The following ATXN3 variants were observed in gnomAD, a reference collection of about 807,000 sequenced individuals.
ATXN3 encodes ataxin-3.
In ATXN3, 28 loss-of-function variants were observed where a neutral mutation model predicts 58.2. The ratio of observed to expected loss-of-function variants is 0.48; its 90% CI spans 0.36 to 0.66. ATXN3 has a LOEUF of 0.66. Among genes scored for constraint, ATXN3 ranks in the 30% least tolerant of loss-of-function variants. The pLI is 0.00. For synonymous variants in ATXN3, 113 were observed against 138.5 expected (o/e 0.82, Z 1.29); for missense variants, 321 against 422.1 (o/e 0.76, Z 2.10).
At chr14:92,049,251 TAG>T (rs1447715930) in intron 1 of ATXN3, among the ~76,000 whole-genome samples, 1 of 151,586 alleles carries the variant, frequency 6.6e-6, no homozygotes, top group Non-Finnish European at 1.5e-5. Context: ...AAGAGAAAGG[TAG>T]AGACACGGAG....
rs1476630614 is a variant in ATXN3 at position 92,096,708 on chromosome 14, C to T, written c.155G>A (p.Gly52Glu). The T allele has an allele frequency of 1.9e-6, 3 of 1,613,856 alleles. No individual in the cohort carries two copies. Among genetic ancestry groups the T allele is most frequent in the Non-Finnish European group, 2.5e-6 (3 of 1,179,964 alleles). Residue 52 changes from glycine (G) to glutamate (E), a missense_variant, in exon 2 of 11, where the codon GGA becomes GAA. This residue lies in a region of ATXN3 where 121 missense variants were observed against 198.9 expected (regional missense o/e 0.61). Coordinates refer to ENST00000644486, the MANE Select transcript of ATXN3 (RefSeq NM_004993.6). ...EEERMRMAEG[G>E]VTSEDYRTFL... Reference sequence around the variant, plus strand: ...CGTGCGATAATCTTCACTAGTAACTCCTCCTTCTGCCATTCTCATCCTCTC... The same window carrying T: ...CGTGCGATAATCTTCACTAGTAACTTCTCCTTCTGCCATTCTCATCCTCTC...
intron 8 of ATXN3, among the ~76,000 whole-genome samples, chr14:92,081,750 A>G (rs1258868941): frequency 1.3e-5 from 2 of 152,096 alleles, no homozygotes; most frequent in Non-Finnish European, 2.9e-5. Context: ...AAAACAAAAA[A>G]CCCACTTCAA....
At chr14:92,065,235 C>T (rs1247154823) in intron 10 of ATXN3, among the ~76,000 whole-genome samples, 1 of 152,126 alleles carries the variant, frequency 6.6e-6, no homozygotes, top group African/African-American at 2.4e-5. Context: ...GGCTTTTTTG[C>T]ACTCAGCATA....
intron 8 of ATXN3, 78 bp downstream of exon 8, chr14:92,082,222 A>G (rs538477284): frequency 7.0e-5 from 104 of 1,480,608 alleles, no homozygotes; most frequent in Non-Finnish European, 9.2e-5. Flanking sequence ...CTAAGAGTAC[A>G]TTAACTTCCA....
chr14:92,076,712 G>A (rs553176454), intron 9 of ATXN3, among the ~76,000 whole-genome samples: 5 of 152,138 alleles, frequency 3.3e-5, no homozygotes, highest in East Asian at 3.9e-4. Context: ...GGCCGAGGTA[G>A]GCAGATTGCC....
At chr14:92,050,463 C>T (rs2140162842), upstream of ATXN3, 1 of 152,450 alleles carries the variant, frequency 6.6e-6, no homozygotes, top group Non-Finnish European at 1.5e-5. Flanking sequence ...TCTAACACAA[C>T]ACCTCAAACA....
Position 92,081,057 on chromosome 14 carries a change from A to G in ATXN3, c.780T>C (p.Ser260=). The change falls in exon 9 of 11, where the codon AGT becomes AGC. Residue 260 remains serine, a synonymous_variant. Coordinates refer to ENST00000644486, the MANE Select transcript of ATXN3 (RefSeq NM_004993.6). ...TCATATCTTGAGATATGTTTCTGGA[A>G]CTACCTGAAAACAAAACACAACACA... ...RRAIQLSMQG[S]SRNISQDMTQ... is the part of the protein sequence containing the mutation. The G allele has an allele frequency of 1.3e-6, 2 of 1,598,958 alleles. No homozygotes were observed. Among genetic ancestry groups the G allele is most frequent in the Non-Finnish European group, 1.7e-6 (2 of 1,167,422 alleles).
At position 92,071,035 on chromosome 14, in the gene ATXN3, T is replaced by TGCTGCTGCTGCTGC. The variant is rs760924707; in HGVS notation, c.890_891insGCAGCAGCAGCAGC (p.Gln302HisfsTer34). On this transcript the variant is annotated frameshift_variant, in exon 10 of 11. Coordinates refer to ENST00000644486, the MANE Select transcript of ATXN3 (RefSeq NM_004993.6). LOFTEE classifies it high-confidence loss of function. ...CCTGCTGCTGCTGCTGCTGCTGCTG[T>TGCTGCTGCTGCTGC]TGCTGCTTTTGCTGCTGTCTGAAAC... The TGCTGCTGCTGCTGC allele has an allele frequency of 0.02, 11,183 of 557,496 alleles. 176 individuals carry two copies. Among genetic ancestry groups the TGCTGCTGCTGCTGC allele is most frequent in the East Asian group, 0.15 (3,626 of 24,084 alleles). 34.5% of individuals were successfully genotyped at this position (557,496 alleles called of 1,614,324 possible).
intron 10 of ATXN3, among the ~76,000 whole-genome samples, chr14:92,066,822 T>A (rs1023320685): frequency 1.3e-5 from 2 of 150,336 alleles, no homozygotes; most frequent in Non-Finnish European, 3.0e-5. Context: ...CAGGCTGGAG[T>A]GCAGTGGCGC....
chr14:92,064,554 T>C, intron 10 of ATXN3, 140 bp from the exon 11 acceptor site: 1 of 629,950 alleles, frequency 1.6e-6, no homozygotes. Flanking sequence ...CAAAATTTAC[T>C]TTTATAGTTC....
At chr14:92,076,167 C>T (rs2060310653) in intron 9 of ATXN3, among the ~76,000 whole-genome samples, 1 of 152,094 alleles carries the variant, frequency 6.6e-6, no homozygotes, top group Non-Finnish European at 1.5e-5. Flanking sequence ...AAGTTCAGGC[C>T]GAGTGCAGTG....
intron 9 of ATXN3, among the ~76,000 whole-genome samples, chr14:92,072,841 T>TA (rs1431100746): frequency 6.6e-4 from 101 of 152,330 alleles, no homozygotes; most frequent in African/African-American, 2.4e-3. Flanking sequence ...GCACATTTTT[T>TA]ATAGAGTTCC....
intron 10 of ATXN3, 167 bp downstream of exon 10, chr14:92,070,768 T>TTA: frequency 7.7e-7 from 1 of 1,291,762 alleles, no homozygotes; most frequent in Non-Finnish European, 1.0e-6. Flanking sequence ...TTTCTTTTGG[T>TTA]AACTGCTCCT....
chr14:92,087,016 G>C (rs912891140), intron 6 of ATXN3, among the ~76,000 whole-genome samples: 1 of 152,124 alleles, frequency 6.6e-6, no homozygotes. Flanking sequence ...CTGGTAGAAA[G>C]AACATAATTT....
chr14:92,096,098 T>C lies in ATXN3; in HGVS notation c.229A>G (p.Ile77Val). 1 of 1,582,198 alleles carries C rather than the reference T, an allele frequency of 6.3e-7. No homozygotes were observed. Among genetic ancestry groups the C allele is most frequent in the South Asian group, 1.1e-5 (1 of 90,500 alleles). Reference sequence around the variant, plus strand: ...ACATGCTTGTGACTACTTACCTGAATAGAGAAAAAACCACTGTCATCCATA... The same window carrying C: ...ACATGCTTGTGACTACTTACCTGAACAGAGAAAAAACCACTGTCATCCATA... Reference protein sequence around the residue: ...GNMDDSGFFSIQVISNALKVW... With the variant: ...GNMDDSGFFSVQVISNALKVW... The change falls in exon 3 of 11, where the codon ATT becomes GTT. Residue 77 changes from isoleucine to valine, a missense_variant. By Grantham distance (29) the Ile-to-Val change is conservative. Around this residue, in one of 2 missense-constraint regions of ATXN3, gnomAD observed 121 missense variants for 198.9 expected, o/e 0.61. Coordinates refer to ENST00000644486, the MANE Select transcript of ATXN3 (RefSeq NM_004993.6).
At chr14:92,046,526 G>T (rs916139134) in intron 2 of ATXN3, among the ~76,000 whole-genome samples, 1 of 152,222 alleles carries the variant, frequency 6.6e-6, no homozygotes, top group African/African-American at 2.4e-5. Context: ...AATTCCAACT[G>T]CACAGCCCTG....
At chr14:92,056,649 A>AC (rs925208305), downstream of ATXN3, among the ~76,000 whole-genome samples, 33 of 152,232 alleles carry the variant, frequency 2.2e-4, no homozygotes, top group African/African-American at 7.9e-4. Flanking sequence ...GCTCCTCTCT[A>AC]CCCTAATACA....
intron 6 of ATXN3, among the ~76,000 whole-genome samples, chr14:92,086,825 G>A (rs916629570): frequency 1.2e-3 from 77 of 62,802 alleles, no homozygotes; most frequent in African/African-American, 4.2e-3. Context: ...ACAAAAAAAG[G>A]GGGGGGGAAC....
At chr14:92,086,450 A>T (rs1189138419) in intron 6 of ATXN3, among the ~76,000 whole-genome samples, 1 of 151,700 alleles carries the variant, frequency 6.6e-6, no homozygotes, top group Non-Finnish European at 1.5e-5. Flanking sequence ...CTGTAAATCC[A>T]GCTACTCGGG....
Sources: gnomAD v4.1 joint callset for allele counts (sites outside exome capture counted in the v4.1 genomes callset) on GRCh38, gnomAD v4.1.1 for gene constraint, gnomAD v4.1.1 regional missense constraint, MANE v1.5 for transcripts, NCBI Gene and HGNC (gene_info 2026-07-23, HGNC 2026-07-21) for gene names.